The following POLDIP3 variants were observed in gnomAD, a reference collection of about 807,000 sequenced individuals.
The protein encoded by POLDIP3 is polymerase delta-interacting protein 3.
In POLDIP3, 14 loss-of-function variants were observed where a neutral mutation model predicts 45.1. That is an observed-to-expected ratio of 0.31 (90% CI 0.20 to 0.49). POLDIP3 has a LOEUF of 0.49. Ranked by LOEUF, POLDIP3 falls within the 20% of genes least tolerant of loss-of-function variation. POLDIP3 has a pLI of 0.99. For synonymous variants in POLDIP3, 223 were observed against 205.2 expected, an observed-to-expected ratio of 1.09 and a Z score of -0.74; for missense variants, 511 against 538.8, an observed-to-expected ratio of 0.95 and a Z score of 0.51.
intron 1 of POLDIP3, among the ~76,000 whole-genome samples, chr22:42,603,988 C>T (rs1476627161): frequency 6.6e-6 from 1 of 152,164 alleles, no homozygotes; most frequent in Non-Finnish European, 1.5e-5. Context: ...AGGCCCCGGT[C>T]TCTTTCTTGG....
intron 6 of POLDIP3, among the ~76,000 whole-genome samples, chr22:42,594,233 G>A (rs922757192): frequency 6.6e-6 from 1 of 152,086 alleles, no homozygotes; most frequent in Non-Finnish European, 1.5e-5. Context: ...TGGCACTCCA[G>A]CCTGGGCGAC....
intron 4 of POLDIP3, among the ~76,000 whole-genome samples, chr22:42,598,152 G>A (rs1428784718): frequency 1.3e-5 from 2 of 149,268 alleles, no homozygotes; most frequent in Non-Finnish European, 3.0e-5. Context: ...GCACAATCTC[G>A]GCTCACTGTA....
At chr22:42,608,390 T>C (rs1376278139) in intron 1 of POLDIP3, among the ~76,000 whole-genome samples, 4 of 151,150 alleles carry the variant, frequency 2.6e-5, no homozygotes, top group Non-Finnish European at 5.9e-5. Context: ...ACCACTGGAC[T>C]CCAGCCTGGG....
At chr22:42,591,913 G>T (rs1287929462) in intron 7 of POLDIP3, 42 bp downstream of exon 7, 1 of 1,612,610 alleles carries the variant, frequency 6.2e-7, no homozygotes, top group Admixed American at 1.7e-5. Context: ...AGCAAGTAGA[G>T]ATGAGTGGGA....
intron 4 of POLDIP3, among the ~76,000 whole-genome samples, chr22:42,597,023 TAAG>T (rs1221340246): frequency 6.6e-6 from 1 of 152,174 alleles, no homozygotes; most frequent in East Asian, 1.9e-4. Flanking sequence ...TCACCACTCT[TAAG>T]AAGGCCCAGA....
At chr22:42,592,534 T>G (rs1357630542) in intron 6 of POLDIP3, among the ~76,000 whole-genome samples, 1 of 152,216 alleles carries the variant, frequency 6.6e-6, no homozygotes, top group Non-Finnish European at 1.5e-5. Flanking sequence ...TCCCTGGACA[T>G]GAGACTTTGA....
intron 1 of POLDIP3, among the ~76,000 whole-genome samples, chr22:42,609,492 G>A (rs1364227636): frequency 6.6e-6 from 1 of 152,200 alleles, no homozygotes; most frequent in Non-Finnish European, 1.5e-5. Context: ...CTGGGCTATA[G>A]GAATATTTCA....
chr22:42,583,875 C>T lies in POLDIP3; in HGVS notation c.*1916G>A, dbSNP rs1925122994. 6.6e-6 allele frequency: 1 copy of T among 152,568 alleles called. No individual in the cohort carries two copies. The highest frequency in any genetic ancestry group is 1.5e-5 in the Non-Finnish European group (1 of 68,114). The allele number at this position is 152,568 out of a possible 1,614,324, so 9.5% of individuals were successfully genotyped here. A position where few individuals can be genotyped will look rare whatever the true frequency, so the allele number is the denominator to read the frequency against. On this transcript the variant is annotated 3_prime_UTR_variant, in exon 9 of 9. Transcript: ENST00000252115. ...GGACACAGGACTAGCCCACCACCTTCTCCTCCCGGTCTCCCAAGATGACTG... is the reference window on the plus strand; with the variant it reads ...GGACACAGGACTAGCCCACCACCTTTTCCTCCCGGTCTCCCAAGATGACTG...
chr22:42,599,239 A>C (rs775786092), intron 4 of POLDIP3, among the ~76,000 whole-genome samples: 2 of 152,194 alleles, frequency 1.3e-5, no homozygotes, highest in Admixed American at 1.3e-4. Flanking sequence ...GCGTTTATAA[A>C]ACTAAGGGAA....
At position 42,584,169 on chromosome 22, in the gene POLDIP3, G is replaced by A. The variant is rs943245443; in HGVS notation, c.*1622C>T. ...GCCTTCTGGATGCTCTCTTGGGCCA[G>A]GAAGGGAAAAGTGTGGGAGGAATGT... On this transcript the variant is annotated 3_prime_UTR_variant, in exon 9 of 9. Coordinates refer to ENST00000252115, the MANE Select transcript of POLDIP3 (RefSeq NM_032311.5). 1 of 152,880 alleles carries A rather than the reference G, an allele frequency of 6.5e-6. No individual in the cohort carries two copies. The highest frequency in any genetic ancestry group is 1.5e-5 in the Non-Finnish European group (1 of 68,246). 9.5% of individuals were successfully genotyped at this position (152,880 alleles called of 1,614,324 possible). A position where few individuals can be genotyped will look rare whatever the true frequency, so the allele number is the denominator to read the frequency against.
Position 42,584,580 on chromosome 22 carries a change from C to CA in POLDIP3, c.*1210dup. ...CACTCCCAACCAGCAGGGGACCACT[C>CA]AGTGACAACACTGGCCTGGTCATTC... is the stretch of plus-strand genomic sequence containing the variant. On this transcript the variant is annotated 3_prime_UTR_variant, in exon 9 of 9. Coordinates refer to ENST00000252115, the MANE Select transcript of POLDIP3 (RefSeq NM_032311.5). 1 of 263,660 alleles carries CA rather than the reference C, an allele frequency of 3.8e-6. No homozygotes were observed. The highest frequency in any genetic ancestry group is 3.6e-5 in the South Asian group (1 of 28,048). 16.3% of individuals were successfully genotyped at this position (263,660 alleles called of 1,614,324 possible).
At chr22:42,605,173 G>A (rs1926643484) in intron 1 of POLDIP3, among the ~76,000 whole-genome samples, 1 of 152,200 alleles carries the variant, frequency 6.6e-6, no homozygotes, top group African/African-American at 2.4e-5. Context: ...TGTCATCCAG[G>A]CTGGAGTGCA....
chr22:42,596,787 G>A (rs984076072), intron 4 of POLDIP3, among the ~76,000 whole-genome samples: 15 of 152,276 alleles, frequency 9.9e-5, no homozygotes, highest in Admixed American at 5.2e-4. Context: ...GGGAGGCTGA[G>A]GTGAGAGGAC....
At chr22:42,602,103 A>G (rs759724464) in intron 2 of POLDIP3, 47 bp from the exon 3 acceptor site, 2 of 1,612,978 alleles carry the variant, frequency 1.2e-6, no homozygotes, top group Admixed American at 1.7e-5. Context: ...GTCCACATGC[A>G]TTCTCTAGAA....
At position 42,595,656 on chromosome 22, in the gene POLDIP3, A is replaced by C. The variant is rs777378711; in HGVS notation, c.814-42T>G. Reference sequence around the variant, plus strand: ...AGCATTACCAGAAGCCAGATGGCTGATAAGCATTCCCACAACAGAAATTCC... The same window carrying C: ...AGCATTACCAGAAGCCAGATGGCTGCTAAGCATTCCCACAACAGAAATTCC... On this transcript the variant is annotated intron_variant, in intron 5 of 8. Coordinates refer to ENST00000252115, the MANE Select transcript of POLDIP3 (RefSeq NM_032311.5). The C allele has an allele frequency of 2.6e-6, 4 of 1,566,986 alleles. No homozygotes were observed. The South Asian group carries it at 3.3e-5, about 13-fold the overall frequency.
chr22:42,613,811 G>C (rs137113), intron 1 of POLDIP3, among the ~76,000 whole-genome samples: 25,715 of 152,152 alleles, frequency 0.17, 2,816 homozygotes, highest in African/African-American at 0.3. Context: ...ACAAATGTCT[G>C]AGAAAACAAT....
At chr22:42,608,623 G>A (rs923511099) in intron 1 of POLDIP3, among the ~76,000 whole-genome samples, 3 of 152,152 alleles carry the variant, frequency 2.0e-5, no homozygotes, top group African/African-American at 4.8e-5. Context: ...GGGATACGGA[G>A]CACTCTCTAG....
At chr22:42,608,087 A>C (rs1173327350) in intron 1 of POLDIP3, among the ~76,000 whole-genome samples, 1 of 152,252 alleles carries the variant, frequency 6.6e-6, no homozygotes, top group African/African-American at 2.4e-5. Flanking sequence ...AGAACGGGCC[A>C]TGAAGACGAT....
At chr22:42,610,866 A>C (rs1218404200) in intron 1 of POLDIP3, among the ~76,000 whole-genome samples, 1 of 152,176 alleles carries the variant, frequency 6.6e-6, no homozygotes, top group East Asian at 1.9e-4. Context: ...TGATCTTGCC[A>C]CTGCACTCCA....
Sources: gnomAD v4.1 joint callset for allele counts (sites outside exome capture counted in the v4.1 genomes callset) on GRCh38, gnomAD v4.1.1 for gene constraint, MANE v1.5 for transcripts, NCBI Gene and HGNC (gene_info 2026-07-23, HGNC 2026-07-21) for gene names.